LANCL1: variants seen among roughly 807,000 people sequenced by gnomAD.
The protein encoded by LANCL1 is glutathione S-transferase LANCL1.
A neutral mutation model predicts 50.6 loss-of-function variants in LANCL1; 50 were observed. The ratio of observed to expected loss-of-function variants is 0.99; its 90% CI spans 0.79 to 1.25. The LOEUF (loss-of-function observed/expected upper bound fraction) is 1.25, where lower values mean the gene tolerates loss of function less well. Among genes scored for constraint, LANCL1 ranks in the 50% most tolerant of loss-of-function variants. LANCL1 has a pLI of 0.00. For missense variants in LANCL1, 532 were observed against 480.7 expected (o/e 1.11, Z -1.00); for synonymous variants, 188 against 178.6 (o/e 1.05, Z -0.42).
intron 3 of LANCL1, among the ~76,000 whole-genome samples, chr2:210,467,820 A>C (rs1339630427): frequency 1.3e-5 from 2 of 152,176 alleles, no homozygotes; most frequent in Non-Finnish European, 2.9e-5. Context: ...AACTAAGACA[A>C]ATCTAGACAC....
intron 4 of LANCL1, among the ~76,000 whole-genome samples, chr2:210,443,278 G>T (rs906537103): frequency 6.6e-6 from 1 of 152,174 alleles, no homozygotes; most frequent in Non-Finnish European, 1.5e-5. Flanking sequence ...CAGCAAATAT[G>T]ATAGGGAAGA....
intron 3 of LANCL1, among the ~76,000 whole-genome samples, chr2:210,467,128 T>A (rs1302766826): frequency 6.6e-6 from 1 of 152,206 alleles, no homozygotes; most frequent in Admixed American, 6.5e-5. Context: ...TGAACTGATG[T>A]TAGACAGTCT....
intron 3 of LANCL1, among the ~76,000 whole-genome samples, chr2:210,464,793 C>T (rs1693988311): frequency 1.3e-5 from 2 of 149,276 alleles, no homozygotes; most frequent in Admixed American, 6.6e-5. Context: ...GGTGAAACCC[C>T]GTCTCTACTA....
At chr2:210,437,099 C>G (rs982954158) in intron 7 of LANCL1, among the ~76,000 whole-genome samples, 6 of 151,540 alleles carry the variant, frequency 4.0e-5, no homozygotes, top group Non-Finnish European at 8.8e-5. Context: ...TTTTTTTTCT[C>G]AACTAAAAAT....
intron 4 of LANCL1, among the ~76,000 whole-genome samples, chr2:210,449,805 C>T (rs1028860210): frequency 2.0e-5 from 3 of 152,158 alleles, no homozygotes; most frequent in African/African-American, 4.8e-5. Flanking sequence ...AGGACCTCTT[C>T]AAGGAGGACT....
At chr2:210,464,738 G>A (rs1444193232) in intron 3 of LANCL1, among the ~76,000 whole-genome samples, 8 of 151,046 alleles carry the variant, frequency 5.3e-5, no homozygotes, top group African/African-American at 1.7e-4. Flanking sequence ...AGGCTGAGGC[G>A]GGTGGATCAT....
chr2:210,436,115 T>TC, intron 8 of LANCL1, 101 bp downstream of exon 8: 1 of 1,006,506 alleles, frequency 9.9e-7, no homozygotes. Context: ...GGTCTCGAAC[T>TC]CCTGACCTCA....
At chr2:210,475,227 T>C (rs977215513) in intron 2 of LANCL1, among the ~76,000 whole-genome samples, 2 of 152,220 alleles carry the variant, frequency 1.3e-5, no homozygotes, top group Admixed American at 6.5e-5. Context: ...GGCCTTTATA[T>C]CACATAAAAT....
intron 6 of LANCL1, among the ~76,000 whole-genome samples, chr2:210,439,144 G>A (rs1693040922): frequency 6.6e-6 from 1 of 152,130 alleles, no homozygotes; most frequent in African/African-American, 2.4e-5. Flanking sequence ...ACCCAACATG[G>A]CCTAAAAATA....
intron 4 of LANCL1, among the ~76,000 whole-genome samples, chr2:210,444,977 T>C (rs557434822): frequency 3.3e-4 from 50 of 152,068 alleles, no homozygotes; most frequent in Non-Finnish European, 5.4e-4. Context: ...CTCAGTAACG[T>C]TGGGGCCATA....
intron 6 of LANCL1, among the ~76,000 whole-genome samples, chr2:210,439,115 C>T (rs923769891): frequency 1.3e-5 from 2 of 152,118 alleles, no homozygotes; most frequent in Non-Finnish European, 2.9e-5. Context: ...AGTGGACTCT[C>T]CTCAAACTTG....
chr2:210,434,600 A>C (rs1692854863), intron 9 of LANCL1, 37 bp from the exon 10 acceptor site: 2 of 1,500,672 alleles, frequency 1.3e-6, no homozygotes, highest in African/African-American at 1.4e-5. Flanking sequence ...TATTATACCA[A>C]ATGACTCCAT....
At chr2:210,451,483 A>G (rs188245601) in intron 4 of LANCL1, among the ~76,000 whole-genome samples, 340 of 152,328 alleles carry the variant, frequency 2.2e-3, no homozygotes, top group African/African-American at 7.8e-3. Flanking sequence ...AACAACAAAA[A>G]AGTAGAAGCA....
At chr2:210,446,082 G>T (rs1037298616) in intron 4 of LANCL1, among the ~76,000 whole-genome samples, 1 of 152,160 alleles carries the variant, frequency 6.6e-6, no homozygotes, top group African/African-American at 2.4e-5. Context: ...GAGAGCAGTG[G>T]ATCTCCCAGC....
chr2:210,443,197 G>A (rs576822045), intron 4 of LANCL1, among the ~76,000 whole-genome samples: 1 of 152,304 alleles, frequency 6.6e-6, no homozygotes, highest in South Asian at 2.1e-4. Flanking sequence ...AGGGAAGTCA[G>A]TTTAGGAAAG....
chr2:210,452,493 C>G (rs1331168746), intron 4 of LANCL1, among the ~76,000 whole-genome samples: 1 of 152,052 alleles, frequency 6.6e-6, no homozygotes. Flanking sequence ...TATTGTCCTC[C>G]CCTCCACTCC....
Position 210,436,318 on chromosome 2 carries a change from C to A in LANCL1, c.948G>T (p.Lys316Asn). ...AACCGTGGCACAGCCCATATCCCTT[C>A]TTCAGCAACCCATATTGCCAGATCA... ...ADVIWQYGLL[K>N]KGYGLCHGSA... is the part of the protein sequence containing the mutation. The change falls in exon 8 of 10, where the codon AAG becomes AAT. Residue 316 changes from lysine to asparagine, a missense_variant. Transcript: ENST00000450366. 1 of 1,614,112 alleles carries A rather than the reference C, an allele frequency of 6.2e-7. No homozygotes were observed. Among genetic ancestry groups the A allele is most frequent in the South Asian group, 1.1e-5 (1 of 91,082 alleles).
intron 2 of LANCL1, among the ~76,000 whole-genome samples, chr2:210,474,494 T>C (rs1694301195): frequency 6.6e-6 from 1 of 151,448 alleles, no homozygotes; most frequent in Non-Finnish European, 1.5e-5. Context: ...GATGGGTGGA[T>C]CACTTGAGGT....
At chr2:210,456,540 A>C (rs1158661334) in intron 3 of LANCL1, among the ~76,000 whole-genome samples, 1 of 152,098 alleles carries the variant, frequency 6.6e-6, no homozygotes, top group Non-Finnish European at 1.5e-5. Flanking sequence ...TCAATGCTTA[A>C]GGTTTGTAGA....
Sources: allele counts gnomAD v4.1 joint callset (sites outside exome capture counted in the v4.1 genomes callset), GRCh38; gene constraint gnomAD v4.1.1; transcripts MANE v1.5; gene names NCBI Gene and HGNC (gene_info 2026-07-23, HGNC 2026-07-21).